The following MAGI2 variants were observed in gnomAD, a reference collection of about 807,000 sequenced individuals.
The protein encoded by MAGI2 is membrane-associated guanylate kinase, WW and PDZ domain-containing protein 2.
Under a neutral mutation model 133.3 loss-of-function variants are expected in MAGI2, and 35 were observed. That is an observed-to-expected ratio of 0.26 (90% CI 0.20 to 0.35). MAGI2 has a LOEUF of 0.35. Among genes scored for constraint, MAGI2 ranks in the 10% least tolerant of loss-of-function variants. MAGI2 has a pLI of 1.00. For synonymous variants in MAGI2, 729 were observed against 710.6 expected (o/e 1.03, Z -0.41); for missense variants, 1,636 against 1,863.4 (o/e 0.88, Z 2.25).
At chr7:78,666,426 T>A (rs1813594795) in intron 2 of MAGI2, among the ~76,000 whole-genome samples, 1 of 152,196 alleles carries the variant, frequency 6.6e-6, no homozygotes, top group South Asian at 2.1e-4. Flanking sequence ...TGGGGGTTTT[T>A]CTATTTGTTG....
At chr7:78,666,750 A>G (rs1476912197) in intron 2 of MAGI2, among the ~76,000 whole-genome samples, 1 of 152,198 alleles carries the variant, frequency 6.6e-6, no homozygotes, top group African/African-American at 2.4e-5. Flanking sequence ...GGCCAGAGAA[A>G]ATACTGCTCT....
intron 7 of MAGI2, among the ~76,000 whole-genome samples, chr7:78,357,571 G>C (rs1792217117): frequency 6.6e-6 from 1 of 152,094 alleles, no homozygotes; most frequent in Non-Finnish European, 1.5e-5. Context: ...TAGAATGGAG[G>C]GGCCCTGTCA....
chr7:79,312,323 C>T (rs764316023), intron 1 of MAGI2, among the ~76,000 whole-genome samples: 5 of 152,110 alleles, frequency 3.3e-5, no homozygotes, highest in African/African-American at 4.8e-5. Context: ...TCCAATTCTT[C>T]GTCTCAGTAG....
intron 3 of MAGI2, among the ~76,000 whole-genome samples, chr7:78,622,905 C>T (rs573838957): frequency 7.9e-5 from 12 of 152,100 alleles, no homozygotes; most frequent in Admixed American, 5.3e-4. Flanking sequence ...CTCCAATAAT[C>T]AGCTCTATGC....
chr7:78,070,722 A>G (rs1278243941), intron 21 of MAGI2, among the ~76,000 whole-genome samples: 1 of 149,974 alleles, frequency 6.7e-6, no homozygotes, highest in Non-Finnish European at 1.5e-5. Context: ...GCTCACTGAA[A>G]CCTCTGCCTC....
intron 1 of MAGI2, among the ~76,000 whole-genome samples, chr7:79,113,287 C>T (rs1329139205): frequency 6.6e-6 from 1 of 152,152 alleles, no homozygotes; most frequent in African/African-American, 2.4e-5. Flanking sequence ...AGTGGCAGTG[C>T]CAACCTTCCC....
rs1554535242 is a variant in MAGI2, at chr7:78,704,778, C to CTTTTTTTTTTTCCTT, written c.419-77540_419-77539insAAGGAAAAAAAAAAA. On this transcript the variant is annotated intron_variant, in intron 2 of 21. Coordinates refer to ENST00000354212, the MANE Select transcript of MAGI2 (RefSeq NM_012301.4). ...ATGGAAGGAGCAGGAGGCCATTATT[C>CTTTTTTTTTTTCCTT]TTTTTTTTTTTTTTTTTTCTGAAAC... is the stretch of plus-strand genomic sequence containing the variant. Among the ~76,000 whole-genome samples the CTTTTTTTTTTTCCTT allele has an allele frequency of 1.3e-3, 61 of 47,348 alleles. 2 individuals are homozygous for CTTTTTTTTTTTCCTT. Among genetic ancestry groups the CTTTTTTTTTTTCCTT allele is most frequent in the Admixed American group, 1.9e-3 (7 of 3,618 alleles). The allele number at this position is 47,348 out of a possible 152,430, so 31.1% of individuals were successfully genotyped here.
intron 1 of MAGI2, among the ~76,000 whole-genome samples, chr7:79,250,230 C>A (rs952451636): frequency 2.0e-5 from 3 of 151,862 alleles, no homozygotes; most frequent in South Asian, 4.2e-4. Flanking sequence ...TCTCTAAGAT[C>A]CAGAACACAA....
chr7:78,723,667 A>G (rs12530792), intron 2 of MAGI2, among the ~76,000 whole-genome samples: 6,833 of 152,284 alleles, frequency 0.045, 233 homozygotes, highest in Non-Finnish European at 0.069. Flanking sequence ...TTGGCTAACA[A>G]TAAGAAAATT....
intron 2 of MAGI2, among the ~76,000 whole-genome samples, chr7:79,005,178 T>C (rs961295001): frequency 1.3e-5 from 2 of 152,104 alleles, no homozygotes; most frequent in African/African-American, 4.8e-5. Flanking sequence ...TAAGTTAGAA[T>C]CTCTGTATTT....
chr7:79,445,300 C>T (rs865995971), intron 1 of MAGI2, among the ~76,000 whole-genome samples: 9 of 152,058 alleles, frequency 5.9e-5, no homozygotes, highest in Admixed American at 5.9e-4. Flanking sequence ...GCAACAAAAT[C>T]CAAAATTGAC....
At chr7:78,423,922 A>G (rs1215439766) in intron 6 of MAGI2, among the ~76,000 whole-genome samples, 1 of 152,208 alleles carries the variant, frequency 6.6e-6, no homozygotes, top group Non-Finnish European at 1.5e-5. Context: ...AAGGTTCAGA[A>G]AATTTGCAGC....
At chr7:78,141,054 G>T (rs1822692384) in intron 16 of MAGI2, among the ~76,000 whole-genome samples, 1 of 152,108 alleles carries the variant, frequency 6.6e-6, no homozygotes, top group African/African-American at 2.4e-5. Context: ...TGTGCCCCTT[G>T]GTAAGTGGCA....
At chr7:79,333,664 T>C (rs1840240158) in intron 1 of MAGI2, among the ~76,000 whole-genome samples, 1 of 152,208 alleles carries the variant, frequency 6.6e-6, no homozygotes, top group Admixed American at 6.5e-5. Flanking sequence ...ACATGATTCA[T>C]TTAAATTACT....
At position 78,293,257 on chromosome 7, in the gene MAGI2, A is replaced by G. The variant is rs547685715; in HGVS notation, c.1409-36676T>C. Among the ~76,000 whole-genome samples the G allele has an allele frequency of 1.2e-4, 18 of 152,326 alleles. No individual in the cohort carries two copies. The South Asian group carries it at 3.7e-3, about 32-fold the overall frequency. On this transcript the variant is annotated intron_variant, in intron 9 of 21. Coordinates refer to ENST00000354212, the MANE Select transcript of MAGI2 (RefSeq NM_012301.4). ...TTACAAGAAAAAATCAAACCACCCC[A>G]TCGAAAAGTAGGCAAAGGATGTGAA...
At chr7:78,445,340 C>T (rs577969202) in intron 6 of MAGI2, among the ~76,000 whole-genome samples, 25 of 152,032 alleles carry the variant, frequency 1.6e-4, no homozygotes, top group East Asian at 5.8e-4. Flanking sequence ...AATCAACGAA[C>T]GATTATAACT....
chr7:78,212,828 G>T (rs1328586926), intron 10 of MAGI2, among the ~76,000 whole-genome samples: 3 of 152,134 alleles, frequency 2.0e-5, no homozygotes, highest in Non-Finnish European at 4.4e-5. Flanking sequence ...TTACAGGCAT[G>T]TACTGCCACA....
chr7:78,628,235 C>G (rs1406765892), intron 2 of MAGI2, among the ~76,000 whole-genome samples: 1 of 152,146 alleles, frequency 6.6e-6, no homozygotes, highest in Admixed American at 6.5e-5. Context: ...TTCTATGCCA[C>G]CTACATAGGC....
chr7:78,126,125 C>T lies in MAGI2; in HGVS notation c.3424-288G>A, dbSNP rs991505881. ...CAAACGTGGAATGATTACAGATAGG[C>T]CTGAGTGACATCATCTCTCCTTTTA... On this transcript the variant is annotated intron_variant, in intron 19 of 21. Coordinates refer to ENST00000354212, the MANE Select transcript of MAGI2 (RefSeq NM_012301.4). Among the ~76,000 whole-genome samples, 3 of 151,850 alleles carry T rather than the reference C, an allele frequency of 2.0e-5. No individual in the cohort carries two copies. The South Asian group carries it at 6.2e-4, about 32-fold the overall frequency.
Sources: allele counts gnomAD v4.1 joint callset (sites outside exome capture counted in the v4.1 genomes callset), GRCh38; gene constraint gnomAD v4.1.1; transcripts MANE v1.5; gene names NCBI Gene and HGNC (gene_info 2026-07-23, HGNC 2026-07-21).